The following RPTOR variants were observed in gnomAD, a reference collection of about 807,000 sequenced individuals.
The protein encoded by RPTOR is regulatory associated protein of MTOR complex 1, also known as regulatory-associated protein of mTOR.
RPTOR carries 21 observed loss-of-function variants against 169.9 expected under a neutral mutation model. The observed-to-expected ratio is 0.12, with a 90% CI of 0.09 to 0.18. The LOEUF (loss-of-function observed/expected upper bound fraction) is 0.18, where lower values mean the gene tolerates loss of function less well. RPTOR is among the 10% of genes least tolerant of loss of function. RPTOR has a pLI of 1.00. For synonymous variants in RPTOR, 732 were observed against 753.2 expected (o/e 0.97, Z 0.46); for missense variants, 1,133 against 1,855.9 (o/e 0.61, Z 7.16).
At chr17:80,724,006 C>T (rs1439709667) in intron 4 of RPTOR, among the ~76,000 whole-genome samples, 1 of 151,246 alleles carries the variant, frequency 6.6e-6, no homozygotes, top group South Asian at 2.1e-4. Flanking sequence ...TTAGTTTCTG[C>T]AAGAGGTAAC....
chr17:80,930,217 C>CCTCAA (rs2068863783), intron 24 of RPTOR, among the ~76,000 whole-genome samples: 1 of 41,248 alleles, frequency 2.4e-5, no homozygotes, highest in African/African-American at 9.4e-5. Flanking sequence ...CCCAGCTCAT[C>CCTCAA]CTCAGCTCAT....
At chr17:80,647,725 G>A (rs555578291) in intron 3 of RPTOR, among the ~76,000 whole-genome samples, 3 of 152,168 alleles carry the variant, frequency 2.0e-5, no homozygotes, top group Non-Finnish European at 2.9e-5. Flanking sequence ...GGGAGGAGGC[G>A]GAAGGCGCTC....
At chr17:80,842,983 A>G (rs1210970429) in intron 10 of RPTOR, among the ~76,000 whole-genome samples, 1 of 152,204 alleles carries the variant, frequency 6.6e-6, no homozygotes, top group Admixed American at 6.5e-5. Context: ...CCAGGACCAC[A>G]CAGTTGTAAT....
intron 17 of RPTOR, among the ~76,000 whole-genome samples, chr17:80,887,146 C>T (rs945052296): frequency 1.7e-4 from 26 of 151,872 alleles, no homozygotes; most frequent in African/African-American, 5.3e-4. Flanking sequence ...AGAAAGACAC[C>T]GTCACTCACC....
chr17:80,929,324 A>T (rs2144001855), intron 24 of RPTOR, among the ~76,000 whole-genome samples: 1 of 152,362 alleles, frequency 6.6e-6, no homozygotes, highest in African/African-American at 2.4e-5. Context: ...GTTACACAGC[A>T]GGCTGGCCAC....
At chr17:80,792,502 G>A (rs897325048) in intron 7 of RPTOR, among the ~76,000 whole-genome samples, 8 of 152,142 alleles carry the variant, frequency 5.3e-5, no homozygotes, top group East Asian at 1.9e-4. Flanking sequence ...CCGGGGAAGC[G>A]ACACTGGTCC....
In RPTOR at chr17:80,712,181, G is replaced by A. The variant is rs150895869; in HGVS notation, c.507+4182G>A. 2.3e-3 allele frequency among the ~76,000 whole-genome samples: 356 copies of A among 152,154 alleles called. 2 individuals carry two copies. Among genetic ancestry groups the A allele is most frequent in the African/African-American group, 8.2e-3 (340 of 41,484 alleles). ...TTAATATCTTGCTTTGGTTTGTTATGTTTTTTACAATTGGTAAACTGATAA... is the reference window on the plus strand; with the variant it reads ...TTAATATCTTGCTTTGGTTTGTTATATTTTTTACAATTGGTAAACTGATAA... On this transcript the variant is annotated intron_variant, in intron 4 of 33. Coordinates refer to ENST00000306801, the MANE Select transcript of RPTOR (RefSeq NM_020761.3).
At chr17:80,770,131 T>G (rs2066827801) in intron 6 of RPTOR, among the ~76,000 whole-genome samples, 1 of 152,198 alleles carries the variant, frequency 6.6e-6, no homozygotes, top group African/African-American at 2.4e-5. Context: ...GGTGGCGTCT[T>G]TTCCCGTGTC....
intron 1 of RPTOR, among the ~76,000 whole-genome samples, chr17:80,590,691 C>T (rs1000181727): frequency 5.3e-5 from 8 of 152,288 alleles, no homozygotes; most frequent in Non-Finnish European, 1.2e-4. Flanking sequence ...CAGGTATAAT[C>T]TGTCTACACT....
intron 4 of RPTOR, among the ~76,000 whole-genome samples, chr17:80,719,028 G>A (rs999817621): frequency 6.6e-6 from 1 of 152,216 alleles, no homozygotes. Context: ...GACCTGGACT[G>A]TGACCAGGCA....
At chr17:80,789,328 G>C (rs1159313286) in intron 6 of RPTOR, among the ~76,000 whole-genome samples, 1 of 152,098 alleles carries the variant, frequency 6.6e-6, no homozygotes, top group Non-Finnish European at 1.5e-5. Context: ...CTTCGTTATA[G>C]GACTAGGCTC....
chr17:80,609,998 T>C lies in RPTOR; in HGVS notation c.163-15693T>C, dbSNP rs1317104845. Among the ~76,000 whole-genome samples the C allele has an allele frequency of 2.6e-5, 4 of 152,170 alleles. No homozygotes were observed. Among genetic ancestry groups the C allele is most frequent in the Admixed American group, 1.3e-4 (2 of 15,282 alleles). On this transcript the variant is annotated intron_variant, in intron 1 of 33. Transcript: ENST00000306801. This position sits in a 1 kb window ranked among gnomAD's most constrained non-coding sequence, Gnocchi z 4.8. ...CAAGTCGGTTCTCACGTCAAGGGCA[T>C]GTCCTGAGGGTTATGGGGCCTTGGC...
chr17:80,918,222 G>A (rs1320666717), intron 21 of RPTOR, among the ~76,000 whole-genome samples: 1 of 152,206 alleles, frequency 6.6e-6, no homozygotes, highest in African/African-American at 2.4e-5. Context: ...TTAGAGCCAC[G>A]CTGCCCAATG....
intron 1 of RPTOR, among the ~76,000 whole-genome samples, chr17:80,612,210 A>T (rs1336955360): frequency 6.6e-6 from 1 of 152,070 alleles, no homozygotes; most frequent in East Asian, 1.9e-4. Flanking sequence ...GCTCACTGTA[A>T]CCTCTAACTC....
chr17:80,905,575 G>A (rs1407587075), intron 20 of RPTOR, among the ~76,000 whole-genome samples: 2 of 149,590 alleles, frequency 1.3e-5, no homozygotes, highest in African/African-American at 4.9e-5. Context: ...CAGCCTGGGC[G>A]ACAGAGCGAG....
At chr17:80,750,704 G>A (rs965840373) in intron 5 of RPTOR, among the ~76,000 whole-genome samples, 1 of 152,178 alleles carries the variant, frequency 6.6e-6, no homozygotes, top group Non-Finnish European at 1.5e-5. Flanking sequence ...ACAGCAGGTT[G>A]CATTGCCGAT....
At chr17:80,634,687 C>CTGTGTG (rs751285267) in intron 2 of RPTOR, among the ~76,000 whole-genome samples, 1 of 79,488 alleles carries the variant, frequency 1.3e-5, no homozygotes, top group East Asian at 3.6e-4. Context: ...TGTGTGCGTA[C>CTGTGTG]TGTGTGCGTG....
chr17:80,546,861 G>T (rs1265226111), intron 1 of RPTOR, among the ~76,000 whole-genome samples: 1 of 152,152 alleles, frequency 6.6e-6, no homozygotes, highest in Non-Finnish European at 1.5e-5. Flanking sequence ...CTGAGGTCAG[G>T]AGTTTGAGAC....
chr17:80,681,678 G>C (rs9901744), intron 3 of RPTOR, among the ~76,000 whole-genome samples: 9,390 of 18,496 alleles, frequency 0.51, 1,345 homozygotes, highest in East Asian at 0.56. Context: ...GTCTCTTACA[G>C]CTTCATGAGG....
Sources: gnomAD v4.1 joint callset for allele counts (sites outside exome capture counted in the v4.1 genomes callset) on GRCh38, gnomAD v4.1.1 for gene constraint, Gnocchi (gnomAD v3.1) non-coding constraint, MANE v1.5 for transcripts, NCBI Gene and HGNC (gene_info 2026-07-23, HGNC 2026-07-21) for gene names.